WTIP: variants seen among roughly 807,000 people sequenced by gnomAD.
WTIP encodes the protein WT1 interacting protein.
In WTIP, 23 loss-of-function variants were observed where a neutral mutation model predicts 41.7. The ratio of observed to expected loss-of-function variants is 0.55; its 90% confidence interval spans 0.40 to 0.78. WTIP has a LOEUF of 0.78. WTIP is among the 30% of genes least tolerant of loss of function. WTIP has a pLI of 0.00. For synonymous variants in WTIP, 314 were observed against 269.9 expected (o/e 1.16, Z -1.60); for missense variants, 619 against 610.5 (o/e 1.01, Z -0.15).
At chr19:34,494,437 C>CTGTTCCCTG in intron 5 of WTIP, 149 bp from the exon 6 acceptor site, 1 of 713,826 alleles carries the variant, frequency 1.4e-6, no homozygotes. Context: ...ATGGCAGAAG[C>CTGTTCCCTG]TGTTCCCTGT....
chr19:34,512,103 T>A lies in WTIP; in HGVS notation c.*11834T>A, dbSNP rs1049349355. Reference sequence around the variant, plus strand: ...ACTTGTTTTTCTGGCTCTATTTTCTTGTCCAGAAACTCCACCACTGTGCTA... The same window carrying A: ...ACTTGTTTTTCTGGCTCTATTTTCTAGTCCAGAAACTCCACCACTGTGCTA... On this transcript the variant is annotated 3_prime_UTR_variant, in exon 8 of 8. Transcript: ENST00000590071. 6.6e-6 allele frequency: 1 copy of A among 152,118 alleles called. No individual in the cohort carries two copies. Among genetic ancestry groups the A allele is most frequent in the Admixed American group, 6.5e-5 (1 of 15,278 alleles). The allele number at this position is 152,118 out of a possible 1,614,324, so 9.4% of individuals were successfully genotyped here. A position where few individuals can be genotyped will look rare whatever the true frequency, so the allele number is the denominator to read the frequency against.
At chr19:34,496,961 C>G (rs2075857582) in intron 7 of WTIP, among the ~76,000 whole-genome samples, 1 of 152,162 alleles carries the variant, frequency 6.6e-6, no homozygotes, top group Non-Finnish European at 1.5e-5. Context: ...CTCCTGGGTT[C>G]AAGCAATTCT....
chr19:34,483,006 C>CTTTTTTTTTTTTTTCTTCT (rs2075777746), intron 1 of WTIP, among the ~76,000 whole-genome samples: 2 of 123,038 alleles, frequency 1.6e-5, no homozygotes, highest in African/African-American at 6.3e-5. Context: ...TTTCTTTCTT[C>CTTTTTTTTTTTTTTCTTCT]TTTTTTTTTT....
chr19:34,509,848 C>T lies in WTIP; in HGVS notation c.*9579C>T, dbSNP rs540423172. ...TACAGGACCCATGCAAGTCCAAAAT[C>T]CAGCGGGGCAGTCAAATTTTGAAGC... On this transcript the variant is annotated 3_prime_UTR_variant, in exon 8 of 8. Coordinates refer to ENST00000590071, the MANE Select transcript of WTIP (RefSeq NM_001080436.2). 1 of 152,338 alleles carries T rather than the reference C, an allele frequency of 6.6e-6. No individual in the cohort carries two copies. The highest frequency in any genetic ancestry group is 2.1e-4 in the South Asian group (1 of 4,826). 9.4% of individuals were successfully genotyped at this position (152,338 alleles called of 1,614,324 possible). A position where few individuals can be genotyped will look rare whatever the true frequency, so the allele number is the denominator to read the frequency against.
At chr19:34,491,109 T>G (rs1448527882) in intron 2 of WTIP, among the ~76,000 whole-genome samples, 1 of 151,846 alleles carries the variant, frequency 6.6e-6, no homozygotes, top group African/African-American at 2.4e-5. Flanking sequence ...AGTACAGGTG[T>G]GAGCCACTGC....
intron 1 of WTIP, 37 bp from the exon 2 acceptor site, chr19:34,490,339 C>T (rs751163862): frequency 1.4e-5 from 23 of 1,599,314 alleles, no homozygotes; most frequent in Middle Eastern, 1.7e-4. Context: ...TAGGCTGTGG[C>T]GCTAACCCCT....
chr19:34,483,249 C>T (rs1292610821), intron 1 of WTIP, among the ~76,000 whole-genome samples: 1 of 146,034 alleles, frequency 6.8e-6, no homozygotes, highest in Non-Finnish European at 1.5e-5. Flanking sequence ...GTCTTAAACT[C>T]CTGGGCTCAA....
At position 34,504,982 on chromosome 19, in the gene WTIP, G is replaced by A; in HGVS notation, c.*4713G>A. On this transcript the variant is annotated 3_prime_UTR_variant, in exon 8 of 8. Coordinates refer to ENST00000590071, the MANE Select transcript of WTIP (RefSeq NM_001080436.2). ...GGGTGGGGATCAAGAACAGGTCTGG[G>A]AGAGGGGGGAGCATCAGGGCCACCT... is the stretch of plus-strand genomic sequence containing the variant. The A allele has an allele frequency of 6.5e-6, 1 of 152,772 alleles. No homozygotes were observed. Among genetic ancestry groups the A allele is most frequent in the Non-Finnish European group, 1.5e-5 (1 of 68,412 alleles). 9.5% of individuals were successfully genotyped at this position (152,772 alleles called of 1,614,324 possible). A position where few individuals can be genotyped will look rare whatever the true frequency, so the allele number is the denominator to read the frequency against.
Position 34,500,288 on chromosome 19 carries a change from C to A in WTIP, c.*19C>A. Reference sequence around the variant, plus strand: ...GCTCTGAGCAGGGGAAAACCCGTCCCTGGGCCGGGGTGGGTGTGGGTGTGG... The same window carrying A: ...GCTCTGAGCAGGGGAAAACCCGTCCATGGGCCGGGGTGGGTGTGGGTGTGG... On this transcript the variant is annotated 3_prime_UTR_variant, in exon 8 of 8. Transcript: ENST00000590071. The A allele has an allele frequency of 6.3e-7, 1 of 1,593,332 alleles. No individual in the cohort carries two copies.
In WTIP at chr19:34,502,800, C is replaced by CAAGCG. The variant is rs2075894675; in HGVS notation, c.*2532_*2533insAGCGA. ...TCAAACTCCTGACCTCAAGCGAGCC[C>CAAGCG]ACCTTGGCCTCCCAGAGTGTTGGGA... On this transcript the variant is annotated 3_prime_UTR_variant, in exon 8 of 8. Coordinates refer to ENST00000590071, the MANE Select transcript of WTIP (RefSeq NM_001080436.2). 1.3e-5 allele frequency: 2 copies of CAAGCG among 152,242 alleles called. No homozygotes were observed. The highest frequency in any genetic ancestry group is 4.8e-5 in the African/African-American group (2 of 41,434). The allele number at this position is 152,242 out of a possible 1,614,324, so 9.4% of individuals were successfully genotyped here.
intron 1 of WTIP, among the ~76,000 whole-genome samples, chr19:34,483,966 C>T (rs1188481079): frequency 1.6e-5 from 2 of 126,650 alleles, no homozygotes; most frequent in Non-Finnish European, 3.1e-5. Context: ...CTCGCTCTGT[C>T]GCCAGGCTGG....
intron 6 of WTIP, among the ~76,000 whole-genome samples, chr19:34,495,232 CA>C (rs571874594): frequency 1.3e-5 from 2 of 151,574 alleles, no homozygotes; most frequent in Non-Finnish European, 1.5e-5. Flanking sequence ...CCCATTTCTA[CA>C]AAAAAAATAA....
rs2075907481 is a variant in WTIP, at chr19:34,505,507, A to G, written c.*5238A>G. Reference sequence around the variant, plus strand: ...CCTGGCGCTTTGTAGGGAGGTGCTCAGCAGTGATGGTTGTGTGCCTGTCAC... The same window carrying G: ...CCTGGCGCTTTGTAGGGAGGTGCTCGGCAGTGATGGTTGTGTGCCTGTCAC... On this transcript the variant is annotated 3_prime_UTR_variant, in exon 8 of 8. Coordinates refer to ENST00000590071, the MANE Select transcript of WTIP (RefSeq NM_001080436.2). 1 of 152,604 alleles carries G rather than the reference A, an allele frequency of 6.6e-6. No individual in the cohort carries two copies. The highest frequency in any genetic ancestry group is 2.4e-5 in the African/African-American group (1 of 41,562). The allele number at this position is 152,604 out of a possible 1,614,324, so 9.5% of individuals were successfully genotyped here.
At chr19:34,490,597 T>C in intron 2 of WTIP, 120 bp downstream of exon 2, 1 of 1,105,356 alleles carries the variant, frequency 9.0e-7, no homozygotes, top group Non-Finnish European at 1.3e-6. Context: ...TGGCCCAGGC[T>C]GGGCTGTGGA....
At position 34,505,444 on chromosome 19, in the gene WTIP, C is replaced by T. The variant is rs2075907185; in HGVS notation, c.*5175C>T. ...CCCAAGGATTCCCCAGGGATGCCAG[C>T]CCCCCTGTGGGCCCTCAGGACTGGT... On this transcript the variant is annotated 3_prime_UTR_variant, in exon 8 of 8. Coordinates refer to ENST00000590071, the MANE Select transcript of WTIP (RefSeq NM_001080436.2). 2 of 152,260 alleles carry T rather than the reference C, an allele frequency of 1.3e-5. No homozygotes were observed. Among genetic ancestry groups the T allele is most frequent in the African/African-American group, 4.8e-5 (2 of 41,430 alleles). The allele number at this position is 152,260 out of a possible 1,614,324, so 9.4% of individuals were successfully genotyped here.
At position 34,493,117 on chromosome 19, in the gene WTIP, T is replaced by A. The variant is rs779203903; in HGVS notation, c.837+13T>A. 6.2e-7 allele frequency: 1 copy of A among 1,613,862 alleles called. No homozygotes were observed. Among genetic ancestry groups the A allele is most frequent in the South Asian group, 1.1e-5 (1 of 91,074 alleles). Reference sequence around the variant, plus strand: ...GGAGGACTTCCTGGTGAGTCCAAGCTGTGCCCTGGCAGTGCCAGGGGTGGG... The same window carrying A: ...GGAGGACTTCCTGGTGAGTCCAAGCAGTGCCCTGGCAGTGCCAGGGGTGGG... On this transcript the variant is annotated intron_variant, in intron 3 of 7. Coordinates refer to ENST00000590071, the MANE Select transcript of WTIP (RefSeq NM_001080436.2). This position sits in a 1 kb window ranked among gnomAD's most constrained non-coding sequence, Gnocchi z 4.1.
At chr19:34,495,260 G>A (rs1039026249) in intron 6 of WTIP, among the ~76,000 whole-genome samples, 1 of 152,162 alleles carries the variant, frequency 6.6e-6, no homozygotes, top group South Asian at 2.1e-4. Flanking sequence ...AGCTGGGTGT[G>A]GTTGTGCATG....
chr19:34,496,259 C>T (rs2075852925), intron 7 of WTIP, among the ~76,000 whole-genome samples: 1 of 152,234 alleles, frequency 6.6e-6, no homozygotes, highest in Non-Finnish European at 1.5e-5. Flanking sequence ...GGAGCCTCAA[C>T]CTCCTGGCTC....
Position 34,482,508 on chromosome 19 carries a change from T to C in WTIP, c.534T>C (p.Ala178=), listed in dbSNP as rs1465433. The C allele has an allele frequency of 1, 1,235,692 of 1,235,700 alleles. 617,842 individuals are homozygous for C. The highest frequency in any genetic ancestry group is 1 in the Middle Eastern group (3,144 of 3,144). 76.5% of individuals were successfully genotyped at this position (1,235,700 alleles called of 1,614,324 possible). The change falls in exon 1 of 8, where the codon GCT becomes GCC. Residue 178 remains alanine, a synonymous_variant. Coordinates refer to ENST00000590071, the MANE Select transcript of WTIP (RefSeq NM_001080436.2). ...PARSPEPAGP[A]PFPLPALPLP... ...GCTCCCCGGAGCCTGCGGGGCCGGC[T>C]CCCTTCCCGCTGCCTGCACTCCCGC...
Sources: gnomAD v4.1 joint callset for allele counts (sites outside exome capture counted in the v4.1 genomes callset) on GRCh38, gnomAD v4.1.1 for gene constraint, Gnocchi (gnomAD v3.1) non-coding constraint, MANE v1.5 for transcripts, NCBI Gene and HGNC (gene_info 2026-07-23, HGNC 2026-07-21) for gene names.